Variants in UGT2B4 observed in about 807,000 individuals in gnomAD.
The protein encoded by UGT2B4 is UDP glucuronosyltransferase family 2 member B4.
Under a neutral mutation model 49.8 loss-of-function variants are expected in UGT2B4, and 49 were observed. The ratio of observed to expected loss-of-function variants is 0.98; its 90% CI spans 0.78 to 1.25. UGT2B4 has a LOEUF of 1.25. Among genes scored for constraint, UGT2B4 ranks in the 50% most tolerant of loss-of-function variants. The pLI is 0.00. For synonymous variants in UGT2B4, 246 were observed against 217.7 expected, an observed-to-expected ratio of 1.13 and a Z score of -1.14; for missense variants, 729 against 627.7, an observed-to-expected ratio of 1.16 and a Z score of -1.73.
At chr4:69,487,585 C>T (rs953321785) in intron 3 of UGT2B4, among the ~76,000 whole-genome samples, 3 of 151,664 alleles carry the variant, frequency 2.0e-5, no homozygotes, top group African/African-American at 4.8e-5. Context: ...TACACTGGGG[C>T]TTATTGGAGG....
At chr4:69,520,334 G>T (rs1323988000) in intron 1 of UGT2B4, among the ~76,000 whole-genome samples, 1 of 152,254 alleles carries the variant, frequency 6.6e-6, no homozygotes, top group Non-Finnish European at 1.5e-5. Flanking sequence ...CACTGCTGGA[G>T]TTGGGAAGTA....
intron 1 of UGT2B4, among the ~76,000 whole-genome samples, chr4:69,520,172 C>A (rs1728815419): frequency 6.6e-6 from 1 of 152,012 alleles, no homozygotes; most frequent in South Asian, 2.1e-4. Context: ...ATATGTATCA[C>A]AATATATCAC....
chr4:69,515,512 G>A (rs886635881), intron 1 of UGT2B4, among the ~76,000 whole-genome samples: 1 of 152,148 alleles, frequency 6.6e-6, no homozygotes, highest in Admixed American at 6.5e-5. Context: ...AGCTAAAGCA[G>A]TGTTAGGGAA....
intron 1 of UGT2B4, among the ~76,000 whole-genome samples, chr4:69,494,744 G>A (rs757798014): frequency 9.7e-4 from 148 of 152,176 alleles, no homozygotes; most frequent in Non-Finnish European, 7.2e-4. Context: ...AACAATTTCT[G>A]CAATGTTATA....
intron 1 of UGT2B4, among the ~76,000 whole-genome samples, chr4:69,509,691 A>G (rs1728558827): frequency 6.6e-6 from 1 of 151,914 alleles, no homozygotes; most frequent in Non-Finnish European, 1.5e-5. Context: ...TTCATTTATT[A>G]ATTAGGGTTT....
At chr4:69,486,039 G>A (rs749630306) in intron 4 of UGT2B4, among the ~76,000 whole-genome samples, 5 of 152,142 alleles carry the variant, frequency 3.3e-5, no homozygotes, top group Non-Finnish European at 7.4e-5. Flanking sequence ...AGGATTGCAG[G>A]CGTGAGCCAC....
At chr4:69,487,293 A>G (rs1295144140) in intron 3 of UGT2B4, among the ~76,000 whole-genome samples, 1 of 152,174 alleles carries the variant, frequency 6.6e-6, no homozygotes, top group Non-Finnish European at 1.5e-5. Flanking sequence ...ACAAATATAC[A>G]TTTTACTCTA....
At chr4:69,489,342 T>A (rs1382577536) in intron 3 of UGT2B4, 97 bp downstream of exon 3, 1 of 1,508,018 alleles carries the variant, frequency 6.6e-7, no homozygotes, top group African/African-American at 1.4e-5. Flanking sequence ...TCCCAACAGC[T>A]GAATATATAG....
In UGT2B4 at chr4:69,480,648, C is replaced by G. The variant is rs1051054701; in HGVS notation, c.1573G>C (p.Gly525Arg). ...CTCAGACGTAATTAATCTCTTTTCCCCTTCTTTCCTGTTCTAACAAACTTC... is the reference window on the plus strand; with the variant it reads ...CTCAGACGTAATTAATCTCTTTTCCGCTTCTTTCCTGTTCTAACAAACTTC... Reference protein sequence around the residue: ...VWKFVRTGKKGKRD With the variant: ...VWKFVRTGKKRKRD The change falls in exon 6 of 6, where the codon GGG becomes CGG. Residue 525 changes from glycine to arginine, a missense_variant. Transcript: ENST00000305107. 4.3e-6 allele frequency: 7 copies of G among 1,613,892 alleles called. No homozygotes were observed. Among genetic ancestry groups the G allele is most frequent in the Non-Finnish European group, 5.9e-6 (7 of 1,179,874 alleles).
intron 5 of UGT2B4, among the ~76,000 whole-genome samples, chr4:69,482,161 T>G (rs1727612274): frequency 6.6e-6 from 1 of 152,192 alleles, no homozygotes. Flanking sequence ...TTGCAACAAC[T>G]CAAGGCATGC....
intron 2 of UGT2B4, among the ~76,000 whole-genome samples, chr4:69,490,571 A>G (rs1019414818): frequency 6.6e-6 from 1 of 152,192 alleles, no homozygotes; most frequent in Admixed American, 6.6e-5. Flanking sequence ...GTGTTCCCCA[A>G]TGTACGCCAA....
intron 1 of UGT2B4, among the ~76,000 whole-genome samples, chr4:69,506,538 T>C (rs1470452175): frequency 6.6e-6 from 1 of 152,174 alleles, no homozygotes; most frequent in African/African-American, 2.4e-5. Flanking sequence ...ATTGAATTGC[T>C]GAACAGACCA....
chr4:69,521,756 G>T (rs997829312), intron 1 of UGT2B4, among the ~76,000 whole-genome samples: 1 of 152,142 alleles, frequency 6.6e-6, no homozygotes, highest in Non-Finnish European at 1.5e-5. Flanking sequence ...CTGGTGAAGC[G>T]ATATCCCGAG....
chr4:69,521,928 T>A (rs1728858954), intron 1 of UGT2B4, among the ~76,000 whole-genome samples: 1 of 152,214 alleles, frequency 6.6e-6, no homozygotes, highest in Non-Finnish European at 1.5e-5. Flanking sequence ...AACTGATATA[T>A]CAAATGATGC....
At position 69,495,229 on chromosome 4, in the gene UGT2B4, T is replaced by C; in HGVS notation, c.633A>G (p.Val211=). The C allele has an allele frequency of 6.2e-7, 1 of 1,609,170 alleles. No individual in the cohort carries two copies. Among genetic ancestry groups the C allele is most frequent in the South Asian group, 1.1e-5 (1 of 89,868 alleles). The change falls in exon 1 of 6, where the codon GTA becomes GTG. Residue 211 remains valine, a synonymous_variant. Transcript: ENST00000305107. Reference sequence around the variant, plus strand: ...AATAAAGCACATAGATCATATTTTTTACCCTCTCTATGAAAGTCATTTGGT... The same window carrying C: ...AATAAAGCACATAGATCATATTTTTCACCCTCTCTATGAAAGTCATTTGGT... The part of the protein sequence containing the change: ...LSDQMTFIER[V]KNMIYVLYFE...
upstream of UGT2B4, among the ~76,000 whole-genome samples, chr4:69,500,598 A>C (rs1334272651): frequency 1.4e-4 from 17 of 120,326 alleles, no homozygotes; most frequent in South Asian, 6.3e-4. Context: ...AGCAAGCAAG[A>C]AAGCAAGGAA....
Position 69,489,432 on chromosome 4 carries a change from A to C in UGT2B4, c.1002+7T>G, listed in dbSNP as rs779722243. On this transcript the variant is annotated splice_region_variant and intron_variant, in intron 3 of 5. Coordinates refer to ENST00000305107, the MANE Select transcript of UGT2B4 (RefSeq NM_021139.3). ...GTTTTTTACACCATTAAAACATTTTATCTTACCTTTTGTGGGATCTTGGCA... is the reference window on the plus strand; with the variant it reads ...GTTTTTTACACCATTAAAACATTTTCTCTTACCTTTTGTGGGATCTTGGCA... 6.2e-7 allele frequency: 1 copy of C among 1,609,386 alleles called. No homozygotes were observed.
intron 1 of UGT2B4, among the ~76,000 whole-genome samples, chr4:69,521,344 G>A (rs532360373): frequency 1.3e-5 from 2 of 152,294 alleles, no homozygotes; most frequent in Admixed American, 6.5e-5. Context: ...TCCCCAGCCA[G>A]GGACGTGACA....
chr4:69,491,168 T>G (rs1727974229), intron 2 of UGT2B4, among the ~76,000 whole-genome samples: 1 of 150,666 alleles, frequency 6.6e-6, no homozygotes, highest in South Asian at 2.1e-4. Flanking sequence ...TTATTCTGAT[T>G]GTATATACCT....
Sources: gnomAD v4.1 joint callset for allele counts (sites outside exome capture counted in the v4.1 genomes callset) on GRCh38, gnomAD v4.1.1 for gene constraint, MANE v1.5 for transcripts, NCBI Gene and HGNC (gene_info 2026-07-23, HGNC 2026-07-21) for gene names.